Variants in TNFAIP6 observed in about 807,000 individuals in gnomAD.
The protein encoded by TNFAIP6 is tumor necrosis factor-inducible gene 6 protein.
Under a neutral mutation model 33.7 loss-of-function variants are expected in TNFAIP6, and 36 were observed. That is an observed-to-expected ratio of 1.07 (90% CI 0.82 to 1.41). The LOEUF is 1.41. Ranked by LOEUF, TNFAIP6 falls within the 40% of genes most tolerant of loss-of-function variation. The pLI is 0.00. For missense variants in TNFAIP6, 273 were observed against 331.9 expected, an observed-to-expected ratio of 0.82 and a Z score of 1.38; for synonymous variants, 113 against 112.8, an observed-to-expected ratio of 1.00 and a Z score of -0.01.
chr2:151,358,658 T>G (rs1351780562), intron 1 of TNFAIP6, among the ~76,000 whole-genome samples: 1 of 152,256 alleles, frequency 6.6e-6, no homozygotes, highest in Non-Finnish European at 1.5e-5. Flanking sequence ...GATTTTGATT[T>G]TATGCTTTCT....
intron 4 of TNFAIP6, among the ~76,000 whole-genome samples, 177 bp from the exon 5 acceptor site, chr2:151,373,372 C>A (rs1216516269): frequency 2.0e-5 from 3 of 152,054 alleles, no homozygotes; most frequent in Non-Finnish European, 2.9e-5. Flanking sequence ...TTTCAAATAA[C>A]AAACTTTGTT....
At chr2:151,362,285 ACTG>A (rs1684636669) in intron 1 of TNFAIP6, among the ~76,000 whole-genome samples, 1 of 152,090 alleles carries the variant, frequency 6.6e-6, no homozygotes. Context: ...ATGACTTAAC[ACTG>A]CCTAAAATAT....
At chr2:151,360,107 G>A (rs1461821273) in intron 1 of TNFAIP6, among the ~76,000 whole-genome samples, 1 of 152,106 alleles carries the variant, frequency 6.6e-6, no homozygotes, top group Non-Finnish European at 1.5e-5. Context: ...AGACCAGCCT[G>A]GGCAACATAG....
chr2:151,362,946 T>G (rs1221064527), intron 1 of TNFAIP6, among the ~76,000 whole-genome samples: 1 of 152,240 alleles, frequency 6.6e-6, no homozygotes, highest in Non-Finnish European at 1.5e-5. Context: ...TTGCACGTTT[T>G]TATATAGCTT....
chr2:151,374,854 C>CA (rs1684875631), intron 5 of TNFAIP6, among the ~76,000 whole-genome samples: 1 of 151,976 alleles, frequency 6.6e-6, no homozygotes, highest in Non-Finnish European at 1.5e-5. Flanking sequence ...GGCCAGGTGC[C>CA]GTGGCTCACG....
chr2:151,364,391 T>C (rs1480892124), intron 2 of TNFAIP6, among the ~76,000 whole-genome samples: 5 of 152,240 alleles, frequency 3.3e-5, no homozygotes, highest in Admixed American at 3.3e-4. Context: ...CTATTCTTTT[T>C]AGTATTGTTC....
chr2:151,366,860 T>A (rs1332226055), intron 3 of TNFAIP6, among the ~76,000 whole-genome samples: 2 of 152,134 alleles, frequency 1.3e-5, no homozygotes, highest in Non-Finnish European at 2.9e-5. Context: ...CATGTTTGCT[T>A]GCAACTAGGA....
chr2:151,379,602 A>C lies in TNFAIP6; in HGVS notation c.*69A>C. 1.1e-4 allele frequency: 120 copies of C among 1,068,324 alleles called. No individual in the cohort carries two copies. Among genetic ancestry groups the C allele is most frequent in the Middle Eastern group, 6.9e-4 (2 of 2,910 alleles). The allele number at this position is 1,068,324 out of a possible 1,614,324, so 66.2% of individuals were successfully genotyped here. ...AATCTTTTGGAACTCCTTTGATCTC[A>C]CTGTTATTATTAACATTTATTTATT... On this transcript the variant is annotated 3_prime_UTR_variant, in exon 6 of 6. Coordinates refer to ENST00000243347, the MANE Select transcript of TNFAIP6 (RefSeq NM_007115.4).
intron 3 of TNFAIP6, among the ~76,000 whole-genome samples, chr2:151,366,858 C>G (rs1684721575): frequency 1.3e-5 from 2 of 151,870 alleles, no homozygotes; most frequent in South Asian, 2.1e-4. Flanking sequence ...TCCATGTTTG[C>G]TTGCAACTAG....
intron 2 of TNFAIP6, among the ~76,000 whole-genome samples, chr2:151,364,721 G>A (rs992749762): frequency 6.6e-6 from 1 of 152,158 alleles, no homozygotes; most frequent in Non-Finnish European, 1.5e-5. Context: ...TGGCCTTTGG[G>A]GAGAATGGGC....
At chr2:151,368,244 G>A (rs1230656239) in intron 3 of TNFAIP6, 1 of 153,666 alleles carries the variant, frequency 6.5e-6, no homozygotes, top group African/African-American at 2.4e-5. Flanking sequence ...TAGATAATGG[G>A]AAAGGTATGG....
At chr2:151,360,325 G>C (rs776398398) in intron 1 of TNFAIP6, among the ~76,000 whole-genome samples, 75 of 152,066 alleles carry the variant, frequency 4.9e-4, no homozygotes, top group African/African-American at 1.8e-3. Flanking sequence ...GAAAGGAAAA[G>C]TGACGTATCT....
Position 151,370,258 on chromosome 2 carries a change from G to C in TNFAIP6, c.623+10G>C. 1.3e-6 allele frequency: 2 copies of C among 1,596,752 alleles called. No homozygotes were observed. The highest frequency in any genetic ancestry group is 1.7e-6 in the Non-Finnish European group (2 of 1,164,820). ...ATGGCTTTGTGGGAAGGTACGTATG[G>C]GTCCCCATACAGGAAGTTAAATGAA... On this transcript the variant is annotated intron_variant, in intron 4 of 5. Transcript: ENST00000243347.
At chr2:151,363,868 A>C in intron 1 of TNFAIP6, 75 bp from the exon 2 acceptor site, 1 of 1,554,622 alleles carries the variant, frequency 6.4e-7, no homozygotes, top group East Asian at 2.3e-5. Flanking sequence ...GTAATCTTCC[A>C]GCTGAGGCCA....
intron 4 of TNFAIP6, 34 bp from the exon 5 acceptor site, chr2:151,373,515 G>T: frequency 7.0e-7 from 1 of 1,419,224 alleles, no homozygotes; most frequent in Non-Finnish European, 9.6e-7. Context: ...ATATTCATTT[G>T]TGTGACATCT....
At position 151,371,618 on chromosome 2, in the gene TNFAIP6, C is replaced by T. The variant is rs552626605; in HGVS notation, c.623+1370C>T. ...CTTTTTTTTTTTCTTTTTTTTGAGA[C>T]GGAGTCTCACTCTGTCACCAGGCTG... On this transcript the variant is annotated intron_variant, in intron 4 of 5. Coordinates refer to ENST00000243347, the MANE Select transcript of TNFAIP6 (RefSeq NM_007115.4). Among the ~76,000 whole-genome samples the T allele has an allele frequency of 1.2e-4, 17 of 147,790 alleles. No homozygotes were observed. In the South Asian group the frequency reaches 1.9e-3, roughly 17 times the overall value.
intron 1 of TNFAIP6, among the ~76,000 whole-genome samples, chr2:151,360,863 G>A (rs1038109354): frequency 6.6e-6 from 1 of 152,160 alleles, no homozygotes; most frequent in African/African-American, 2.4e-5. Flanking sequence ...GAGGGTGGGA[G>A]AAGGGAGAGG....
At position 151,370,184 on chromosome 2, in the gene TNFAIP6, G is replaced by A. The variant is rs563382038; in HGVS notation, c.559G>A (p.Gly187Ser). 16 of 1,614,102 alleles carry A rather than the reference G, an allele frequency of 9.9e-6. No individual in the cohort carries two copies. The Admixed American group carries it at 1.5e-4, about 15-fold the overall frequency. The change falls in exon 4 of 6, where the codon GGT becomes AGT. Residue 187 changes from glycine to serine, a missense_variant. Coordinates refer to ENST00000243347, the MANE Select transcript of TNFAIP6 (RefSeq NM_007115.4). ...AGATTTTGACCTTGAAGATGACCCA[G>A]GTTGCTTGGCTGATTATGTTGAAAT... is the stretch of plus-strand genomic sequence containing the variant. Reference protein sequence around the residue: ...FLDFDLEDDPGCLADYVEIYD... With the variant: ...FLDFDLEDDPSCLADYVEIYD...
downstream of TNFAIP6, chr2:151,380,178 T>C (rs917757722): frequency 7.2e-5 from 11 of 152,188 alleles, no homozygotes; most frequent in African/African-American, 2.7e-4. Context: ...TGAATTTGCA[T>C]TTCTTTATTC....
Sources: gnomAD v4.1 joint callset for allele counts (sites outside exome capture counted in the v4.1 genomes callset) on GRCh38, gnomAD v4.1.1 for gene constraint, MANE v1.5 for transcripts, NCBI Gene and HGNC (gene_info 2026-07-23, HGNC 2026-07-21) for gene names.